Variants in MACROD2 observed in about 807,000 individuals in gnomAD.
The protein encoded by MACROD2 is mono-ADP ribosylhydrolase 2, also known as ADP-ribose glycohydrolase MACROD2.
Under a neutral mutation model 70.4 loss-of-function variants are expected in MACROD2, and 36 were observed. That is an observed-to-expected ratio of 0.51 (90% CI 0.39 to 0.68). The LOEUF is 0.68. Among genes scored for constraint, MACROD2 ranks in the 30% least tolerant of loss-of-function variants. MACROD2 has a pLI of 0.00. For missense variants in MACROD2, 496 were observed against 538.4 expected, an observed-to-expected ratio of 0.92 and a Z score of 0.78; for synonymous variants, 172 against 178.8, an observed-to-expected ratio of 0.96 and a Z score of 0.30.
intron 4 of MACROD2, among the ~76,000 whole-genome samples, chr20:14,679,966 T>C (rs1340154033): frequency 6.6e-6 from 1 of 152,214 alleles, no homozygotes; most frequent in Non-Finnish European, 1.5e-5. Flanking sequence ...GAGATTCTAT[T>C]TGTGACATAA....
intron 8 of MACROD2, among the ~76,000 whole-genome samples, chr20:15,740,684 C>G (rs913179541): frequency 4.0e-5 from 6 of 151,600 alleles, no homozygotes; most frequent in Admixed American, 2.6e-4. Flanking sequence ...CATTTCACTC[C>G]CCAACAAAAT....
intron 5 of MACROD2, among the ~76,000 whole-genome samples, chr20:14,844,570 C>T (rs1361860833): frequency 6.6e-6 from 1 of 151,944 alleles, no homozygotes; most frequent in Non-Finnish European, 1.5e-5. Flanking sequence ...CTCTTCATAA[C>T]ACTAACTGTC....
chr20:15,328,935 A>T (rs895837194), intron 6 of MACROD2, among the ~76,000 whole-genome samples: 1 of 152,106 alleles, frequency 6.6e-6, no homozygotes, highest in Non-Finnish European at 1.5e-5. Context: ...ATAAATTAGA[A>T]ATGATCTAAA....
At chr20:14,855,043 A>G (rs1194204162) in intron 5 of MACROD2, among the ~76,000 whole-genome samples, 1 of 152,138 alleles carries the variant, frequency 6.6e-6, no homozygotes, top group Non-Finnish European at 1.5e-5. Flanking sequence ...TACAATATAA[A>G]ATTAAGTATA....
In MACROD2 at chr20:15,355,902, TAAACAAAC is replaced by T. The variant is rs373700177; in HGVS notation, c.541-75491_541-75484del. On this transcript the variant is annotated intron_variant, in intron 6 of 17. Transcript: ENST00000684519. Reference sequence around the variant, plus strand: ...CCCCTATAAAATAATTATGATCTAATAAACAAACAAACAAACAAAAACACTGGGTTCTA... The same window carrying T: ...CCCCTATAAAATAATTATGATCTAATAAACAAACAAAAACACTGGGTTCTA... Among the ~76,000 whole-genome samples the T allele has an allele frequency of 2.0e-5, 3 of 152,242 alleles. No individual in the cohort carries two copies. The South Asian group carries it at 6.2e-4, about 32-fold the overall frequency.
In MACROD2 at chr20:15,655,533, G is replaced by A. The variant is rs537478362; in HGVS notation, c.645+155686G>A. 2.6e-5 allele frequency among the ~76,000 whole-genome samples: 4 copies of A among 152,124 alleles called. No homozygotes were observed. In the South Asian group the frequency reaches 6.2e-4, roughly 24 times the overall value. On this transcript the variant is annotated intron_variant, in intron 8 of 17. Coordinates refer to ENST00000684519, the MANE Select transcript of MACROD2 (RefSeq NM_001351661.2). ...ACTTTTGAAAAGTTGCTCCCTTGACGTAAAGATTTGAAAGAAGTAATTCAC... is the reference window on the plus strand; with the variant it reads ...ACTTTTGAAAAGTTGCTCCCTTGACATAAAGATTTGAAAGAAGTAATTCAC...
chr20:15,182,641 G>T (rs936325974), intron 5 of MACROD2, among the ~76,000 whole-genome samples: 17 of 152,252 alleles, frequency 1.1e-4, no homozygotes, highest in African/African-American at 4.1e-4. Flanking sequence ...TGTTCCCCTA[G>T]GCATCTCTTT....
At chr20:15,664,819 A>G (rs1274500822) in intron 8 of MACROD2, among the ~76,000 whole-genome samples, 1 of 152,190 alleles carries the variant, frequency 6.6e-6, no homozygotes, top group African/African-American at 2.4e-5. Flanking sequence ...AGCTAACCTC[A>G]GGGTCAAACC....
intron 5 of MACROD2, among the ~76,000 whole-genome samples, chr20:14,800,729 C>T (rs2072564976): frequency 6.6e-6 from 1 of 152,006 alleles, no homozygotes. Flanking sequence ...GTTTGAAGGC[C>T]GGAATACCTT....
chr20:14,509,018 T>A (rs2123142444), intron 4 of MACROD2, among the ~76,000 whole-genome samples: 1 of 152,284 alleles, frequency 6.6e-6, no homozygotes, highest in African/African-American at 2.4e-5. Flanking sequence ...ATGCAACCAT[T>A]AAAACTTATA....
At chr20:15,974,519 T>A (rs1601248379) in intron 13 of MACROD2, among the ~76,000 whole-genome samples, 1 of 151,270 alleles carries the variant, frequency 6.6e-6, no homozygotes, top group Non-Finnish European at 1.5e-5. Context: ...GTTGTGGGGG[T>A]GGGGAGGGAT....
intron 10 of MACROD2, among the ~76,000 whole-genome samples, chr20:15,928,133 A>G (rs1467049019): frequency 2.0e-5 from 3 of 152,228 alleles, no homozygotes; most frequent in African/African-American, 7.2e-5. Context: ...GTTATGAAAA[A>G]GAATGTCCTT....
intron 3 of MACROD2, among the ~76,000 whole-genome samples, chr20:14,445,335 A>G (rs920786283): frequency 6.6e-6 from 1 of 152,158 alleles, no homozygotes; most frequent in Non-Finnish European, 1.5e-5. Context: ...TGAATATATT[A>G]TGGACAACTT....
intron 7 of MACROD2, among the ~76,000 whole-genome samples, chr20:15,432,408 A>G (rs113542764): frequency 0.01 from 1,586 of 152,148 alleles, 27 homozygotes; most frequent in African/African-American, 0.036. Context: ...TCCTCCTTCA[A>G]TTTAAGCCTT....
At chr20:15,582,102 A>G (rs2048532992) in intron 8 of MACROD2, among the ~76,000 whole-genome samples, 2 of 149,692 alleles carry the variant, frequency 1.3e-5, no homozygotes, top group African/African-American at 4.9e-5. Context: ...AGCCTGGGCG[A>G]CAGTGCCAGA....
At chr20:15,401,981 C>CT in intron 6 of MACROD2, among the ~76,000 whole-genome samples, 1 of 152,240 alleles carries the variant, frequency 6.6e-6, no homozygotes, top group East Asian at 1.9e-4. Context: ...ATCATTTATT[C>CT]TTTTTGAAAC....
chr20:14,268,529 T>C (rs1158145070), intron 3 of MACROD2, among the ~76,000 whole-genome samples: 2 of 152,168 alleles, frequency 1.3e-5, no homozygotes, highest in Non-Finnish European at 2.9e-5. Flanking sequence ...TCAGATTAGA[T>C]TTATTTTCCT....
chr20:15,890,884 A>T (rs1358242653), intron 10 of MACROD2, among the ~76,000 whole-genome samples: 1 of 152,152 alleles, frequency 6.6e-6, no homozygotes, highest in Non-Finnish European at 1.5e-5. Context: ...TCTTGGCCTT[A>T]AAGAAAGGGC....
intron 5 of MACROD2, among the ~76,000 whole-genome samples, chr20:15,138,610 T>G (rs1048935262): frequency 6.6e-6 from 1 of 152,194 alleles, no homozygotes; most frequent in African/African-American, 2.4e-5. Flanking sequence ...AAAAGAAACC[T>G]TCCATGTTGT....
Sources: gnomAD v4.1 joint callset for allele counts (sites outside exome capture counted in the v4.1 genomes callset) on GRCh38, gnomAD v4.1.1 for gene constraint, MANE v1.5 for transcripts, NCBI Gene and HGNC (gene_info 2026-07-23, HGNC 2026-07-21) for gene names.